Variants in DMD observed in about 807,000 individuals in gnomAD.
DMD encodes the protein dystrophin, also known as mutant dystrophin.
DMD carries 63 observed loss-of-function variants against 330.1 expected under a neutral mutation model. The observed-to-expected ratio is 0.19, with a 90% CI of 0.16 to 0.24. The LOEUF (loss-of-function observed/expected upper bound fraction) is 0.24, where lower values mean the gene tolerates loss of function less well. DMD is among the 10% of genes least tolerant of loss of function. DMD has a pLI of 1.00. For missense variants in DMD, 3,344 were observed against 2,684.1 expected (o/e 1.25, Z -5.43); for synonymous variants, 1,223 against 959.8 (o/e 1.27, Z -5.07).
chrX:32,602,607 T>G (rs2056318172), intron 12 of DMD, among the ~76,000 whole-genome samples: 1 of 111,324 alleles, frequency 9.0e-6, no homozygotes, highest in Non-Finnish European at 1.9e-5. Flanking sequence ...TATAGTCTCT[T>G]TTTCCTCTAT....
Position 32,790,825 on chromosome X carries a change from C to T in DMD, c.649+18668G>A, listed in dbSNP as rs954127514. 3.6e-5 allele frequency among the ~76,000 whole-genome samples: 4 copies of T among 111,558 alleles called. No homozygotes were observed. In the Admixed American group the frequency reaches 3.8e-4, roughly 11 times the overall value. On this transcript the variant is annotated intron_variant, in intron 7 of 78. Transcript: ENST00000357033. ...GCTGCTCCCAAGGAAAGCAACCTTA[C>T]CCTCTCCAGTAGCAGGGCCACAGTG... is the stretch of plus-strand genomic sequence containing the variant.
intron 9 of DMD, among the ~76,000 whole-genome samples, chrX:32,697,054 T>C (rs2147565764): frequency 8.9e-6 from 1 of 112,186 alleles, no homozygotes; most frequent in African/African-American, 3.2e-5. Flanking sequence ...CCATTCATAG[T>C]GTAGTTTTGA....
chrX:32,735,414 A>G (rs1410359243), intron 7 of DMD, among the ~76,000 whole-genome samples: 2 of 110,817 alleles, frequency 1.8e-5, no homozygotes, highest in African/African-American at 3.3e-5. Context: ...GGAAAAAACT[A>G]CTTTAAAGTT....
chrX:32,185,643 T>A (rs1238376106), intron 44 of DMD, among the ~76,000 whole-genome samples: 1 of 111,767 alleles, frequency 8.9e-6, no homozygotes, highest in Admixed American at 9.5e-5. Context: ...TTGAATACAA[T>A]AAATGATACA....
chrX:32,863,085 G>C (rs976715086), intron 2 of DMD, among the ~76,000 whole-genome samples: 38 of 110,930 alleles, frequency 3.4e-4, no homozygotes, highest in African/African-American at 1.0e-3. Context: ...ATTTGCATTT[G>C]AGATAGCCAG....
At chrX:31,489,226 C>T (rs533014383) in intron 57 of DMD, among the ~76,000 whole-genome samples, 3 of 112,086 alleles carry the variant, frequency 2.7e-5, no homozygotes, top group South Asian at 3.7e-4. Context: ...CTTCAACCTC[C>T]GCCTCCCAAG....
intron 47 of DMD, among the ~76,000 whole-genome samples, chrX:31,877,685 G>GTGTA (rs146337063): frequency 9.0e-6 from 1 of 111,509 alleles, no homozygotes; most frequent in Non-Finnish European, 1.9e-5. Context: ...GTGTGTGTGT[G>GTGTA]TGTGTGTGTG....
chrX:33,279,846 T>C (rs2053295878), intron 1 of DMD, among the ~76,000 whole-genome samples: 1 of 101,532 alleles, frequency 9.8e-6, no homozygotes, highest in Non-Finnish European at 2.0e-5. Context: ...ATATATGCCA[T>C]CTGTATATCT....
chrX:31,424,769 C>T (rs887834733), intron 60 of DMD, among the ~76,000 whole-genome samples: 2 of 112,213 alleles, frequency 1.8e-5, no homozygotes, highest in African/African-American at 6.5e-5. Flanking sequence ...TTAGTTAATA[C>T]TTTCCTCTAT....
chrX:33,275,642 T>C (rs1010300822), intron 1 of DMD, among the ~76,000 whole-genome samples: 23 of 111,510 alleles, frequency 2.1e-4, no homozygotes, highest in Admixed American at 1.9e-3. Context: ...ATTTAGGAAG[T>C]GTTCCAAAGA....
At chrX:32,425,720 T>C (rs1017952305) in intron 29 of DMD, among the ~76,000 whole-genome samples, 4 of 111,488 alleles carry the variant, frequency 3.6e-5, no homozygotes, top group African/African-American at 6.5e-5. Context: ...GGAGGCATCA[T>C]GTTAGCTGAC....
chrX:31,705,519 G>A (rs1379182406), intron 52 of DMD, among the ~76,000 whole-genome samples: 5 of 113,022 alleles, frequency 4.4e-5, no homozygotes, highest in African/African-American at 1.6e-4. Flanking sequence ...AGTACACCTA[G>A]GTCACTGTGC....
intron 63 of DMD, among the ~76,000 whole-genome samples, chrX:31,230,652 A>C (rs909372531): frequency 3.0e-5 from 3 of 101,584 alleles, no homozygotes; most frequent in Non-Finnish European, 6.1e-5. Context: ...CCATCTCAAG[A>C]AAAAAAAAAA....
intron 12 of DMD, among the ~76,000 whole-genome samples, chrX:32,614,075 C>A (rs1341950512): frequency 9.1e-6 from 1 of 110,316 alleles, no homozygotes; most frequent in Admixed American, 9.7e-5. Flanking sequence ...GATTATTCAC[C>A]CTTAAATATT....
chrX:33,038,858 G>A (rs774131951), intron 1 of DMD, among the ~76,000 whole-genome samples: 19 of 110,743 alleles, frequency 1.7e-4, no homozygotes, highest in Admixed American at 2.9e-4. Flanking sequence ...GCCGGGCATG[G>A]TGGCATGCAC....
chrX:31,266,137 C>T (rs2051045259), intron 62 of DMD, among the ~76,000 whole-genome samples: 1 of 81,888 alleles, frequency 1.2e-5, no homozygotes, highest in Non-Finnish European at 2.2e-5. Context: ...CTAGAAATGA[C>T]TCCACACCCA....
intron 55 of DMD, among the ~76,000 whole-genome samples, chrX:31,559,626 G>A (rs1461732942): frequency 2.2e-5 from 1 of 44,748 alleles, no homozygotes; most frequent in Non-Finnish European, 3.6e-5. Flanking sequence ...GGGCGACAGA[G>A]CGAAACTCCG....
chrX:32,835,143 A>G (rs2079504347), intron 4 of DMD, among the ~76,000 whole-genome samples: 1 of 112,009 alleles, frequency 8.9e-6, no homozygotes, highest in African/African-American at 3.2e-5. Context: ...GGAAAGTTTA[A>G]ATTACCCATT....
chrX:31,554,298 C>T (rs1206296974), intron 55 of DMD, among the ~76,000 whole-genome samples: 1 of 111,949 alleles, frequency 8.9e-6, no homozygotes, highest in Non-Finnish European at 1.9e-5. Flanking sequence ...GGGTTCCCCA[C>T]AAAAGTCTGA....
Sources: gnomAD v4.1 joint callset for allele counts (sites outside exome capture counted in the v4.1 genomes callset) on GRCh38, gnomAD v4.1.1 for gene constraint, MANE v1.5 for transcripts, NCBI Gene and HGNC (gene_info 2026-07-23, HGNC 2026-07-21) for gene names.